ANO1: variants seen among roughly 807,000 people sequenced by gnomAD.
ANO1 encodes the protein anoctamin-1.
Under a neutral mutation model 124.0 loss-of-function variants are expected in ANO1, and 59 were observed. The ratio of observed to expected loss-of-function variants is 0.48; its 90% confidence interval spans 0.39 to 0.59. The LOEUF is 0.59. Ranked by LOEUF, ANO1 falls within the 20% of genes least tolerant of loss-of-function variation. ANO1 has a pLI of 0.00. For missense variants in ANO1, 1,059 were observed against 1,328.0 expected (o/e 0.80, Z 3.15); for synonymous variants, 529 against 532.0 (o/e 0.99, Z 0.08).
rs1555021040 is a variant in ANO1, at chr11:70,103,264, T to TTA, written c.540+100_540+101insTA. On this transcript the variant is annotated intron_variant, in intron 3 of 25. Coordinates refer to ENST00000355303, the MANE Select transcript of ANO1 (RefSeq NM_018043.7). ...GCCGACCTCGAGGCCCTGAGTTTTATAAAAAAAAAACCCAGTGGGCTTCAC... is the reference window on the plus strand; with the variant it reads ...GCCGACCTCGAGGCCCTGAGTTTTATTAAAAAAAAAAACCCAGTGGGCTTCAC... 9 of 823,350 alleles carry TTA rather than the reference T, an allele frequency of 1.1e-5. No homozygotes were observed. The African/African-American group carries it at 1.6e-4, about 15-fold the overall frequency. 51.0% of individuals were successfully genotyped at this position (823,350 alleles called of 1,614,324 possible).
At chr11:69,974,567 A>C in the ANO1 span, among the ~76,000 whole-genome samples, 1 of 152,216 alleles carries the variant, frequency 6.6e-6, no homozygotes, top group Non-Finnish European at 1.5e-5. Context: ...GCAGAACCTC[A>C]TGCTCTTGGC....
chr11:70,106,948 G>A (rs1260969728), intron 5 of ANO1, among the ~76,000 whole-genome samples: 1 of 152,208 alleles, frequency 6.6e-6, no homozygotes, highest in Non-Finnish European at 1.5e-5. Flanking sequence ...AGCCATAGAA[G>A]GTTGTGGAGC....
chr11:70,185,154 A>G (rs907375138), intron 24 of ANO1, among the ~76,000 whole-genome samples: 1 of 152,170 alleles, frequency 6.6e-6, no homozygotes. Flanking sequence ...CAGGAGGTTC[A>G]AGCTTAGGGA....
At chr11:69,996,487 A>G (rs138039986) in intron 1 of ANO1, among the ~76,000 whole-genome samples, 2 of 152,320 alleles carry the variant, frequency 1.3e-5, no homozygotes, top group African/African-American at 4.8e-5. Context: ...AAATGTTTAA[A>G]TGATCATGTT....
chr11:70,087,246 C>T (rs936402972), intron 1 of ANO1, among the ~76,000 whole-genome samples: 2 of 152,090 alleles, frequency 1.3e-5, no homozygotes, highest in African/African-American at 4.8e-5. Context: ...GGGTATTTTC[C>T]CCTCAAGCAT....
At chr11:70,095,422 G>GAAAT (rs1209925491) in intron 2 of ANO1, among the ~76,000 whole-genome samples, 1 of 49,706 alleles carries the variant, frequency 2.0e-5, no homozygotes, top group African/African-American at 5.5e-5. Flanking sequence ...AAGAAAGAAA[G>GAAAT]AAAGAAAAGA....
At chr11:70,183,108 A>G (rs1462007105) in intron 24 of ANO1, among the ~76,000 whole-genome samples, 1 of 152,174 alleles carries the variant, frequency 6.6e-6, no homozygotes, top group East Asian at 1.9e-4. Context: ...GACCCTATCT[A>G]TAAAGAAATA....
rs139057699 is a variant in ANO1, at chr11:70,053,074, A to C, written c.59-25468A>C. Among the ~76,000 whole-genome samples the C allele has an allele frequency of 4.6e-3, 701 of 152,350 alleles. 3 individuals carry two copies. The highest frequency in any genetic ancestry group is 0.016 in the African/African-American group (674 of 41,580). Reference sequence around the variant, plus strand: ...ATTTTGTTTGTTCTTAGTATATAGAAGAACAATTGACTTTTGAGTGTTAAT... The same window carrying C: ...ATTTTGTTTGTTCTTAGTATATAGACGAACAATTGACTTTTGAGTGTTAAT... On this transcript the variant is annotated intron_variant, in intron 1 of 27. Coordinates refer to the ANO1 transcript ENST00000531349.
At chr11:70,167,648 CGGTCCCCAAGCAT>C (rs986703176) in intron 21 of ANO1, among the ~76,000 whole-genome samples, 3 of 151,884 alleles carry the variant, frequency 2.0e-5, no homozygotes, top group Non-Finnish European at 4.4e-5. Context: ...TCCCTAGGCA[CGGTCCCCAAGCAT>C]GGTCCCCAGC....
intron 1 of ANO1, among the ~76,000 whole-genome samples, chr11:70,028,336 G>A (rs1281415070): frequency 6.6e-6 from 1 of 152,202 alleles, no homozygotes; most frequent in Non-Finnish European, 1.5e-5. Context: ...GCAGGTGCCT[G>A]TGCACCTCAG....
chr11:70,073,394 A>C (rs2044008171), upstream of ANO1, among the ~76,000 whole-genome samples: 1 of 152,246 alleles, frequency 6.6e-6, no homozygotes, highest in Non-Finnish European at 1.5e-5. Context: ...ATGCACTTGC[A>C]GATGGCTGTA....
chr11:70,183,145 G>C (rs1246158871), intron 24 of ANO1, among the ~76,000 whole-genome samples: 1 of 152,150 alleles, frequency 6.6e-6, no homozygotes, highest in East Asian at 1.9e-4. Context: ...GAGGAAATTA[G>C]AGGTGATTTA....
intron 1 of ANO1, among the ~76,000 whole-genome samples, chr11:69,988,369 T>A (rs61885143): frequency 0.084 from 12,864 of 152,254 alleles, 703 homozygotes; most frequent in East Asian, 0.14. Context: ...CCCTGTGCCC[T>A]CGGCCAACTT....
In ANO1 at chr11:69,994,445, T is replaced by C. The variant is rs185345732; in HGVS notation, c.58+8279T>C. ...ATGAATAAATGAATGGATAGAGAGA[T>C]GGAAGAATGGAGGAATGGAGATAGA... On this transcript the variant is annotated intron_variant, in intron 1 of 27. Transcript: ENST00000531349. Among the ~76,000 whole-genome samples the C allele has an allele frequency of 1.1e-3, 171 of 151,498 alleles. 4 individuals carry two copies. The East Asian group carries it at 0.016, about 14-fold the overall frequency.
intron 2 of ANO1, among the ~76,000 whole-genome samples, chr11:70,101,917 C>G (rs774715058): frequency 3.9e-5 from 6 of 152,206 alleles, no homozygotes; most frequent in Non-Finnish European, 7.3e-5. Flanking sequence ...CCCCCACTGC[C>G]TTTAGGCAGC....
At chr11:70,167,675 AGTCCCCAGGTATG>A (rs1158697100) in intron 21 of ANO1, among the ~76,000 whole-genome samples, 59 of 118,052 alleles carry the variant, frequency 5.0e-4, no homozygotes, top group Middle Eastern at 4.8e-3. Context: ...CCCCAGCCAC[AGTCCCCAGGTATG>A]GTCCCCAGCC....
chr11:70,131,125 C>T (rs796185448), intron 10 of ANO1, among the ~76,000 whole-genome samples: 7 of 152,294 alleles, frequency 4.6e-5, no homozygotes, highest in African/African-American at 1.7e-4. Flanking sequence ...CTCTGCCTCT[C>T]CTAGAAGTGG....
chr11:69,997,056 T>C (rs1230670744), intron 1 of ANO1, among the ~76,000 whole-genome samples: 2 of 53,354 alleles, frequency 3.7e-5, no homozygotes, highest in Admixed American at 2.8e-4. Flanking sequence ...CTGAGGAGTC[T>C]GCTCCCTGGG....
chr11:70,170,247 G>A (rs1590913396), intron 21 of ANO1: 1 of 444,730 alleles, frequency 2.2e-6, no homozygotes, highest in African/African-American at 2.0e-5. Context: ...CATGGGCAGG[G>A]GGATGACCAC....
Sources: gnomAD v4.1 joint callset for allele counts (sites outside exome capture counted in the v4.1 genomes callset) on GRCh38, gnomAD v4.1.1 for gene constraint, MANE v1.5 for transcripts, NCBI Gene and HGNC (gene_info 2026-07-23, HGNC 2026-07-21) for gene names.